The following LRRC42 variants were observed in gnomAD, a reference collection of about 807,000 sequenced individuals.
LRRC42 encodes leucine-rich repeat-containing protein 42.
In LRRC42, 43 loss-of-function variants were observed where a neutral mutation model predicts 44.3. The observed-to-expected ratio is 0.97, with a 90% confidence interval of 0.76 to 1.25. The LOEUF is 1.25. Ranked by LOEUF, LRRC42 falls within the 50% of genes most tolerant of loss-of-function variation. The probability of loss-of-function intolerance (pLI) is 0.00; values close to 1 mark genes in which losing one functional copy is unlikely to be tolerated. For synonymous variants in LRRC42, 207 were observed against 195.2 expected, an observed-to-expected ratio of 1.06 and a Z score of -0.50; for missense variants, 540 against 509.1, an observed-to-expected ratio of 1.06 and a Z score of -0.58.
chr1:53,955,336 G>A (rs1231903109), intron 3 of LRRC42, among the ~76,000 whole-genome samples: 1 of 151,834 alleles, frequency 6.6e-6, no homozygotes, highest in East Asian at 1.9e-4. Context: ...TCACTCTGTT[G>A]CTCAGGCTTG....
At chr1:53,951,518 G>A (rs1022044068) in intron 2 of LRRC42, among the ~76,000 whole-genome samples, 11 of 152,086 alleles carry the variant, frequency 7.2e-5, no homozygotes, top group African/African-American at 1.9e-4. Context: ...TCTGTCTCCC[G>A]GGTTCAAGCG....
chr1:53,950,633 A>T (rs751104542), intron 2 of LRRC42, among the ~76,000 whole-genome samples: 2 of 152,262 alleles, frequency 1.3e-5, no homozygotes, highest in South Asian at 4.1e-4. Context: ...CATGTATGAT[A>T]TTCTACCTCT....
chr1:53,958,304 G>C (rs770372117), intron 4 of LRRC42, 24 bp downstream of exon 4: 1 of 1,611,982 alleles, frequency 6.2e-7, no homozygotes, highest in Non-Finnish European at 8.5e-7. Flanking sequence ...ACCACTTGCA[G>C]ATGAATTGTT....
chr1:53,960,270 A>T, intron 4 of LRRC42, 86 bp from the exon 5 acceptor site: 1 of 898,826 alleles, frequency 1.1e-6, no homozygotes, highest in Non-Finnish European at 1.8e-6. Flanking sequence ...TTATATTTTT[A>T]AATGAAAATG....
chr1:53,967,524 C>T (rs1286070786), intron 8 of LRRC42, 141 bp from the exon 9 acceptor site: 2 of 772,538 alleles, frequency 2.6e-6, no homozygotes, highest in East Asian at 2.5e-5. Flanking sequence ...AGCGACCTCA[C>T]AGGGCACTCA....
At chr1:53,956,339 T>G (rs968568381) in intron 3 of LRRC42, among the ~76,000 whole-genome samples, 3 of 152,206 alleles carry the variant, frequency 2.0e-5, no homozygotes, top group Non-Finnish European at 2.9e-5. Context: ...GGGAGGCAAG[T>G]ATGTTTTCCT....
chr1:53,964,231 C>T (rs1431725581), intron 7 of LRRC42, among the ~76,000 whole-genome samples: 1 of 152,072 alleles, frequency 6.6e-6, no homozygotes, highest in African/African-American at 2.4e-5. Context: ...ATGTATTTTT[C>T]TCTGGGCCTC....
At position 53,946,508 on chromosome 1, in the gene LRRC42, T is replaced by C. The variant is rs1063162; in HGVS notation, c.-90T>C. ...GCCGGGCCGCGGGAGGAGGGAGCCG[T>C]CACCGAGGAGCTGCCGCTCGCTGCC... On this transcript the variant is annotated 5_prime_UTR_variant, in exon 1 of 9. Coordinates refer to ENST00000371370, the MANE Select transcript of LRRC42 (RefSeq NM_001256409.2). 35,391 of 151,872 alleles carry C rather than the reference T, an allele frequency of 0.23. 5,836 individuals carry two copies. The highest frequency in any genetic ancestry group is 0.47 in the African/African-American group (19,513 of 41,362). The allele number at this position is 151,872 out of a possible 1,614,324, so 9.4% of individuals were successfully genotyped here. A position where few individuals can be genotyped will look rare whatever the true frequency, so the allele number is the denominator to read the frequency against.
chr1:53,952,831 C>T (rs1400230913), intron 3 of LRRC42, among the ~76,000 whole-genome samples: 2 of 152,032 alleles, frequency 1.3e-5, no homozygotes, highest in South Asian at 2.1e-4. Context: ...AGTTTTTGGG[C>T]CTGTTTTTGG....
chr1:53,954,052 G>A (rs1017955587), intron 3 of LRRC42, among the ~76,000 whole-genome samples: 9 of 152,130 alleles, frequency 5.9e-5, no homozygotes, highest in African/African-American at 1.9e-4. Context: ...CTATTAAGAC[G>A]CACAATCTGC....
intron 3 of LRRC42, among the ~76,000 whole-genome samples, chr1:53,953,120 A>C (rs1487755181): frequency 6.6e-6 from 1 of 152,252 alleles, no homozygotes; most frequent in Non-Finnish European, 1.5e-5. Context: ...TTTAAACACA[A>C]ACACAAAGTG....
intron 7 of LRRC42, among the ~76,000 whole-genome samples, chr1:53,963,288 A>G (rs1350604158): frequency 6.6e-6 from 1 of 152,236 alleles, no homozygotes; most frequent in Non-Finnish European, 1.5e-5. Context: ...AATAATTATC[A>G]TGGTGCATTG....
intron 3 of LRRC42, among the ~76,000 whole-genome samples, chr1:53,956,487 A>G (rs1253275899): frequency 1.3e-5 from 2 of 152,224 alleles, no homozygotes; most frequent in African/African-American, 4.8e-5. Context: ...CCCATTTTGT[A>G]GCTGGAGAAA....
chr1:53,967,629 G>T (rs1655161979), intron 8 of LRRC42, 36 bp from the exon 9 acceptor site: 4 of 1,598,530 alleles, frequency 2.5e-6, no homozygotes, highest in Non-Finnish European at 2.6e-6. Flanking sequence ...GCATATGCCA[G>T]TGTAGTGAAC....
At chr1:53,951,446 C>A (rs570586924) in intron 2 of LRRC42, among the ~76,000 whole-genome samples, 1 of 151,862 alleles carries the variant, frequency 6.6e-6, no homozygotes, top group South Asian at 2.1e-4. Flanking sequence ...TTTTTTGAGA[C>A]GGAGTCTCGC....
intron 4 of LRRC42, among the ~76,000 whole-genome samples, chr1:53,959,351 T>C (rs1654931870): frequency 6.6e-6 from 1 of 152,228 alleles, no homozygotes; most frequent in Non-Finnish European, 1.5e-5. Context: ...GTCTGACTGA[T>C]CTCAGGTTAT....
Position 53,960,478 on chromosome 1 carries a change from A to C in LRRC42, c.724+4A>C, listed in dbSNP as rs41312648. ...CTAACATTATTAGACTTATCATGTA[A>C]GTTTTCTTCGAAATTATAGATTATT... On this transcript the variant is annotated splice_donor_region_variant and intron_variant, in intron 5 of 8. Transcript: ENST00000371370. 2,828 of 1,567,960 alleles carry C rather than the reference A, an allele frequency of 1.8e-3. 2 individuals are homozygous for C. Among genetic ancestry groups the C allele is most frequent in the South Asian group, 2.5e-3 (226 of 88,710 alleles).
At position 53,952,114 on chromosome 1, in the gene LRRC42, C is replaced by A. The variant is rs142996439; in HGVS notation, c.115C>A (p.Gln39Lys). 1 of 1,614,096 alleles carries A rather than the reference C, an allele frequency of 6.2e-7. No individual in the cohort carries two copies. ...LALDGVRSSL[Q>K]KPRPFRLFPK... ...TCTGGATGGTGTCAGGAGTAGCCTGCAGAAGCCAAGGCCTTTCAGACTGTT... is the reference window on the plus strand; with the variant it reads ...TCTGGATGGTGTCAGGAGTAGCCTGAAGAAGCCAAGGCCTTTCAGACTGTT... Residue 39 changes from glutamine to lysine, a missense_variant, in exon 3 of 9, where the codon CAG becomes AAG. Physicochemically the swap from Gln to Lys is moderately conservative, Grantham distance 53. Coordinates refer to ENST00000371370, the MANE Select transcript of LRRC42 (RefSeq NM_001256409.2).
intron 5 of LRRC42, among the ~76,000 whole-genome samples, chr1:53,961,328 G>T (rs546996010): frequency 6.6e-6 from 1 of 151,938 alleles, no homozygotes; most frequent in African/African-American, 2.4e-5. Flanking sequence ...GGAGAATGGC[G>T]TGAATCCGGG....
Sources: allele counts gnomAD v4.1 joint callset (sites outside exome capture counted in the v4.1 genomes callset), GRCh38; gene constraint gnomAD v4.1.1; transcripts MANE v1.5; gene names NCBI Gene and HGNC (gene_info 2026-07-23, HGNC 2026-07-21).